VPS13A: variants seen among roughly 807,000 people sequenced by gnomAD.
VPS13A encodes vacuolar protein sorting 13 homolog A.
VPS13A carries 264 observed loss-of-function variants against 390.9 expected under a neutral mutation model. The ratio of observed to expected loss-of-function variants is 0.68; its 90% CI spans 0.61 to 0.75. The LOEUF is 0.75. VPS13A is among the 30% of genes least tolerant of loss of function. The pLI, the probability that VPS13A is intolerant of heterozygous loss-of-function variation, is 0.00. For missense variants in VPS13A, 3,409 were observed against 3,733.9 expected (o/e 0.91, Z 2.27); for synonymous variants, 1,231 against 1,227.1 (o/e 1.00, Z -0.07).
At chr9:77,372,468 A>G (rs1284312580) in intron 67 of VPS13A, among the ~76,000 whole-genome samples, 4 of 152,124 alleles carry the variant, frequency 2.6e-5, no homozygotes, top group Admixed American at 6.5e-5. Context: ...TAAATTAGGT[A>G]TTGATGGGAC....
intron 23 of VPS13A, among the ~76,000 whole-genome samples, chr9:77,264,965 C>T (rs1429232486): frequency 2.0e-5 from 3 of 152,150 alleles, no homozygotes; most frequent in Non-Finnish European, 2.9e-5. Flanking sequence ...TTTTGAGATA[C>T]ATTCCATCAA....
At chr9:77,285,192 C>A (rs1349684631) in intron 31 of VPS13A, among the ~76,000 whole-genome samples, 2 of 152,000 alleles carry the variant, frequency 1.3e-5, no homozygotes, top group Non-Finnish European at 2.9e-5. Context: ...GTCAAAGAAC[C>A]AGAGAGGCAT....
chr9:77,392,363 A>G (rs1833931235), intron 68 of VPS13A, among the ~76,000 whole-genome samples: 1 of 152,218 alleles, frequency 6.6e-6, no homozygotes, highest in Admixed American at 6.5e-5. Context: ...AGATATAGCA[A>G]TACCCTGTGC....
Position 77,360,553 on chromosome 9 carries a change from T to C in VPS13A, c.8123T>C (p.Ile2708Thr). Reference protein sequence around the residue: ...ISRIKYFKVLIQEMDLRLDLG... With the variant: ...ISRIKYFKVLTQEMDLRLDLG... ...TAATACAGGTATTTCAAAGTATTGATTCAAGAAATGGATCTCAGGTTAGAT... is the reference window on the plus strand; with the variant it reads ...TAATACAGGTATTTCAAAGTATTGACTCAAGAAATGGATCTCAGGTTAGAT... Residue 2708 changes from isoleucine to threonine, a missense_variant, in exon 59 of 72, where the codon ATT becomes ACT. By Grantham distance (89) the Ile-to-Thr change is moderately conservative. This residue lies in a region of VPS13A where 221 missense variants were observed against 300.7 expected (regional missense o/e 0.73). Transcript: ENST00000360280. 6.2e-7 allele frequency: 1 copy of C among 1,612,472 alleles called. No homozygotes were observed. Among genetic ancestry groups the C allele is most frequent in the Non-Finnish European group, 8.5e-7 (1 of 1,178,860 alleles).
Position 77,247,410 on chromosome 9 carries a change from T to G in VPS13A, c.2037+15T>G, listed in dbSNP as rs1380730928. 3.1e-6 allele frequency: 5 copies of G among 1,592,012 alleles called. No homozygotes were observed. The African/African-American group carries it at 5.4e-5, about 17-fold the overall frequency. On this transcript the variant is annotated intron_variant, in intron 20 of 71. Coordinates refer to ENST00000360280, the MANE Select transcript of VPS13A (RefSeq NM_033305.3). Reference sequence around the variant, plus strand: ...GTCATCTAAAGGTATATACTAATAATATTTGATTTATGATACAGCATTTGG... The same window carrying G: ...GTCATCTAAAGGTATATACTAATAAGATTTGATTTATGATACAGCATTTGG...
At chr9:77,368,682 T>C (rs542639081) in intron 62 of VPS13A, among the ~76,000 whole-genome samples, 9 of 152,306 alleles carry the variant, frequency 5.9e-5, no homozygotes, top group African/African-American at 2.2e-4. Flanking sequence ...TCATCTGACT[T>C]ATATGTTTCT....
chr9:77,357,552 T>C, intron 55 of VPS13A, 140 bp from the exon 56 acceptor site: 1 of 799,960 alleles, frequency 1.3e-6, no homozygotes, highest in East Asian at 2.7e-5. Context: ...GTGAATTTTA[T>C]GGACATGGGA....
At chr9:77,407,762 A>G (rs1179392873) in intron 71 of VPS13A, 155 bp downstream of exon 71, 2 of 619,312 alleles carry the variant, frequency 3.2e-6, no homozygotes, top group South Asian at 2.1e-5. Flanking sequence ...ATGTAACCAG[A>G]TAATATTTAC....
intron 2 of VPS13A, 145 bp downstream of exon 2, chr9:77,200,133 G>C: frequency 1.4e-6 from 1 of 703,928 alleles, no homozygotes; most frequent in African/African-American, 1.8e-5. Flanking sequence ...TTGCTAAATG[G>C]AGTTTTAATC....
At chr9:77,321,895 G>GT (rs879263572) in intron 44 of VPS13A, 149 bp downstream of exon 44, 167 of 935,942 alleles carry the variant, frequency 1.8e-4, no homozygotes, top group Non-Finnish European at 2.5e-4. Flanking sequence ...GTCAAGAACT[G>GT]TTTTTTGTCT....
chr9:77,275,185 T>C (rs1284152005), intron 24 of VPS13A, among the ~76,000 whole-genome samples: 1 of 152,140 alleles, frequency 6.6e-6, no homozygotes, highest in Non-Finnish European at 1.5e-5. Context: ...GCATTTCCTG[T>C]AAAATTTAAG....
At chr9:77,191,822 C>T (rs961309800) in intron 1 of VPS13A, among the ~76,000 whole-genome samples, 3 of 152,088 alleles carry the variant, frequency 2.0e-5, no homozygotes, top group Admixed American at 6.6e-5. Flanking sequence ...GTTTTAGATA[C>T]GTGCCATGTG....
intron 45 of VPS13A, among the ~76,000 whole-genome samples, chr9:77,329,322 G>A (rs1462800885): frequency 6.6e-6 from 1 of 152,176 alleles, no homozygotes; most frequent in East Asian, 1.9e-4. Flanking sequence ...TTGGCTGTTT[G>A]ATGCAAGAGG....
chr9:77,406,102 G>A, intron 70 of VPS13A, 115 bp downstream of exon 70: 2 of 1,420,430 alleles, frequency 1.4e-6, no homozygotes, highest in African/African-American at 1.4e-5. Context: ...TTGTCCTGGT[G>A]TGGTTTTCCC....
chr9:77,206,791 ATAGT>A (rs1309651564), intron 5 of VPS13A, among the ~76,000 whole-genome samples: 6 of 152,280 alleles, frequency 3.9e-5, no homozygotes, highest in African/African-American at 1.4e-4. Flanking sequence ...CATTCATTTA[ATAGT>A]TAAACATCTT....
chr9:77,268,982 T>A (rs1011814653), intron 23 of VPS13A, among the ~76,000 whole-genome samples: 2 of 152,134 alleles, frequency 1.3e-5, no homozygotes, highest in African/African-American at 4.8e-5. Flanking sequence ...CCATTACTCC[T>A]GAATACTTTA....
At chr9:77,351,737 C>T (rs530177067) in intron 53 of VPS13A, among the ~76,000 whole-genome samples, 2 of 152,184 alleles carry the variant, frequency 1.3e-5, no homozygotes, top group South Asian at 2.1e-4. Context: ...CGCATGGTGG[C>T]GGGTGCCTGT....
intron 68 of VPS13A, 41 bp downstream of exon 68, chr9:77,382,128 C>A: frequency 1.3e-6 from 2 of 1,519,474 alleles, no homozygotes; most frequent in Non-Finnish European, 1.8e-6. Context: ...TTAATTTAGT[C>A]AAGTTAGATT....
At position 77,417,926 on chromosome 9, in the gene VPS13A, C is replaced by T. The variant is rs1329407167; in HGVS notation, c.*1920C>T. 6.6e-6 allele frequency: 1 copy of T among 152,112 alleles called. No individual in the cohort carries two copies. The highest frequency in any genetic ancestry group is 1.5e-5 in the Non-Finnish European group (1 of 68,046). The allele number at this position is 152,112 out of a possible 1,614,324, so 9.4% of individuals were successfully genotyped here. A position where few individuals can be genotyped will look rare whatever the true frequency, so the allele number is the denominator to read the frequency against. On this transcript the variant is annotated 3_prime_UTR_variant, in exon 72 of 72. Transcript: ENST00000360280. ...TCCCTGCCACTCGTTTACTCATCACCTCCTCCCATCACTTCCTTGTCTCTA... is the reference window on the plus strand; with the variant it reads ...TCCCTGCCACTCGTTTACTCATCACTTCCTCCCATCACTTCCTTGTCTCTA...
Sources: gnomAD v4.1 joint callset for allele counts (sites outside exome capture counted in the v4.1 genomes callset) on GRCh38, gnomAD v4.1.1 for gene constraint, gnomAD v4.1.1 regional missense constraint, MANE v1.5 for transcripts, NCBI Gene and HGNC (gene_info 2026-07-23, HGNC 2026-07-21) for gene names.